Variants in ANKS1B observed in about 807,000 individuals in gnomAD.
ANKS1B encodes ankyrin repeat and sterile alpha motif domain containing 1B, also known as ankyrin repeat and sterile alpha motif domain-containing protein 1B.
In ANKS1B, 36 loss-of-function variants were observed where a neutral mutation model predicts 148.3. The observed-to-expected ratio is 0.24, with a 90% CI of 0.19 to 0.32. ANKS1B has a LOEUF of 0.32. ANKS1B is among the 10% of genes least tolerant of loss of function. The probability of loss-of-function intolerance (pLI) is 1.00; values close to 1 mark genes in which losing one functional copy is unlikely to be tolerated. For synonymous variants in ANKS1B, 542 were observed against 560.8 expected (o/e 0.97, Z 0.47); for missense variants, 1,157 against 1,542.6 (o/e 0.75, Z 4.19).
At position 99,549,130 on chromosome 12, in the gene ANKS1B, G is replaced by C. The variant is rs139045070; in HGVS notation, c.1273-44489C>G. 2.4e-3 allele frequency among the ~76,000 whole-genome samples: 359 copies of C among 152,186 alleles called. 2 individuals are homozygous for C. The highest frequency in any genetic ancestry group is 8.2e-3 in the African/African-American group (341 of 41,526). On this transcript the variant is annotated intron_variant, in intron 9 of 26. Coordinates refer to ENST00000683438, the MANE Select transcript of ANKS1B (RefSeq NM_001352186.2). ...AAAGAAGAAACCGAAACTCTAGATA[G>C]GTCATACAATAGTTAGAGAGCATCA...
chr12:99,106,326 T>C (rs1040394915), intron 15 of ANKS1B, among the ~76,000 whole-genome samples: 2 of 152,228 alleles, frequency 1.3e-5, no homozygotes, highest in Non-Finnish European at 2.9e-5. Context: ...GATTAGAAGT[T>C]CTCATAGCTG....
chr12:99,595,772 T>G (rs1289924728), intron 9 of ANKS1B, among the ~76,000 whole-genome samples: 1 of 151,984 alleles, frequency 6.6e-6, no homozygotes, highest in Non-Finnish European at 1.5e-5. Flanking sequence ...TACATATGCT[T>G]TGTGCATAGT....
intron 15 of ANKS1B, among the ~76,000 whole-genome samples, chr12:99,090,287 G>A (rs558699560): frequency 6.6e-6 from 1 of 152,050 alleles, no homozygotes; most frequent in Non-Finnish European, 1.5e-5. Context: ...AACTTAATAC[G>A]ATATCTTATT....
intron 12 of ANKS1B, among the ~76,000 whole-genome samples, chr12:99,253,841 T>C (rs2074945365): frequency 1.3e-5 from 2 of 152,194 alleles, no homozygotes; most frequent in Non-Finnish European, 2.9e-5. Context: ...ATCAAAATCA[T>C]ATCCAGTGTG....
chr12:98,978,243 A>G (rs1397862390), intron 17 of ANKS1B, among the ~76,000 whole-genome samples: 2 of 151,592 alleles, frequency 1.3e-5, no homozygotes, highest in African/African-American at 4.8e-5. Flanking sequence ...TTTTCCCTCA[A>G]TGTCTGCCTT....
chr12:99,472,646 T>C (rs1287920064), intron 10 of ANKS1B, among the ~76,000 whole-genome samples: 1 of 151,970 alleles, frequency 6.6e-6, no homozygotes, highest in Non-Finnish European at 1.5e-5. Flanking sequence ...AGGAGGAAAA[T>C]AGGAGGGTAA....
intron 9 of ANKS1B, among the ~76,000 whole-genome samples, chr12:99,598,770 G>A (rs1436541554): frequency 6.6e-6 from 1 of 152,034 alleles, no homozygotes; most frequent in Admixed American, 6.6e-5. Flanking sequence ...AAGCATACAC[G>A]GAAATAACAG....
intron 12 of ANKS1B, among the ~76,000 whole-genome samples, chr12:99,257,614 C>T (rs947282213): frequency 2.6e-5 from 4 of 151,588 alleles, no homozygotes; most frequent in African/African-American, 9.7e-5. Context: ...TTCTTGTTTC[C>T]TATTTCCAGT....
intron 22 of ANKS1B, among the ~76,000 whole-genome samples, chr12:98,791,777 TC>T: frequency 6.6e-6 from 1 of 152,236 alleles, no homozygotes; most frequent in Non-Finnish European, 1.5e-5. Context: ...CCAGTCTGAT[TC>T]CTAAGAAGTA....
Position 99,910,111 on chromosome 12 carries a change from G to A in ANKS1B, c.134+73993C>T, listed in dbSNP as rs151048643. On this transcript the variant is annotated intron_variant, in intron 1 of 26. Coordinates refer to ENST00000683438, the MANE Select transcript of ANKS1B (RefSeq NM_001352186.2). ...TAAAGGGCCAGACGTGGTGGCTCAC[G>A]CCTGTAATCCCAGCACTTTGGGAGG... is the stretch of plus-strand genomic sequence containing the variant. Among the ~76,000 whole-genome samples, 839 of 152,120 alleles carry A rather than the reference G, an allele frequency of 5.5e-3. 9 individuals carry two copies. The highest frequency in any genetic ancestry group is 0.019 in the African/African-American group (802 of 41,504).
chr12:98,779,296 G>T (rs146688289), intron 24 of ANKS1B, among the ~76,000 whole-genome samples: 1 of 152,114 alleles, frequency 6.6e-6, no homozygotes, highest in South Asian at 2.1e-4. Flanking sequence ...GTCTCTTGCC[G>T]TGTCAGTAAG....
intron 9 of ANKS1B, among the ~76,000 whole-genome samples, chr12:99,561,822 T>C (rs2097339249): frequency 6.6e-6 from 1 of 152,230 alleles, no homozygotes; most frequent in Non-Finnish European, 1.5e-5. Context: ...TTAATGTTAA[T>C]GTTGATATGT....
intron 9 of ANKS1B, among the ~76,000 whole-genome samples, chr12:99,518,188 G>A (rs1180778848): frequency 6.6e-6 from 1 of 151,710 alleles, no homozygotes; most frequent in Admixed American, 6.6e-5. Flanking sequence ...TTTTTTATGG[G>A]TCTTTGTCTG....
chr12:98,992,973 A>G (rs776262319), intron 17 of ANKS1B, among the ~76,000 whole-genome samples: 4 of 152,172 alleles, frequency 2.6e-5, no homozygotes, highest in Non-Finnish European at 5.9e-5. Flanking sequence ...TTTAAAGGCT[A>G]TGAGGGAATG....
intron 16 of ANKS1B, among the ~76,000 whole-genome samples, chr12:99,056,395 T>C (rs1259177916): frequency 6.6e-6 from 1 of 152,216 alleles, no homozygotes; most frequent in Non-Finnish European, 1.5e-5. Flanking sequence ...ATCTGTTCCT[T>C]TATTTCTGTC....
At chr12:99,458,489 A>T (rs2152844470) in intron 10 of ANKS1B, among the ~76,000 whole-genome samples, 1 of 151,996 alleles carries the variant, frequency 6.6e-6, no homozygotes, top group African/African-American at 2.4e-5. Flanking sequence ...CTTTGAAAAG[A>T]TAAATAAAAT....
At chr12:99,599,566 C>T (rs1470085844) in intron 9 of ANKS1B, among the ~76,000 whole-genome samples, 1 of 151,838 alleles carries the variant, frequency 6.6e-6, no homozygotes, top group Non-Finnish European at 1.5e-5. Flanking sequence ...ATTATTGAAA[C>T]CCTTAATAAT....
At chr12:99,914,823 T>C (rs751979631) in intron 1 of ANKS1B, among the ~76,000 whole-genome samples, 1 of 152,052 alleles carries the variant, frequency 6.6e-6, no homozygotes, top group African/African-American at 2.4e-5. Flanking sequence ...CCACCTCTAA[T>C]TGCATGGAGA....
At chr12:98,736,077 G>C (rs989382461) in intron 9 of ANKS1B, among the ~76,000 whole-genome samples, 1 of 152,214 alleles carries the variant, frequency 6.6e-6, no homozygotes, top group Non-Finnish European at 1.5e-5. Context: ...GAGGCAGAGA[G>C]GAATTGGGGT....
Sources: allele counts gnomAD v4.1 joint callset (sites outside exome capture counted in the v4.1 genomes callset), GRCh38; gene constraint gnomAD v4.1.1; transcripts MANE v1.5; gene names NCBI Gene and HGNC (gene_info 2026-07-23, HGNC 2026-07-21).